XIRP2: variants seen among roughly 807,000 people sequenced by gnomAD.
The protein encoded by XIRP2 is xin actin-binding repeat-containing protein 2.
In XIRP2, 236 loss-of-function variants were observed where a neutral mutation model predicts 277.0. That is an observed-to-expected ratio of 0.85 (90% CI 0.77 to 0.95). XIRP2 has a LOEUF of 0.95. Among genes scored for constraint, XIRP2 ranks in the 40% least tolerant of loss-of-function variants. The probability of loss-of-function intolerance (pLI) is 0.00; values close to 1 mark genes in which losing one functional copy is unlikely to be tolerated. For synonymous variants in XIRP2, 1,490 were observed against 1,416.5 expected, an observed-to-expected ratio of 1.05 and a Z score of -1.17; for missense variants, 4,640 against 4,157.5, an observed-to-expected ratio of 1.12 and a Z score of -3.19.
At chr2:166,921,080 A>G (rs1388359883) in intron 2 of XIRP2, among the ~76,000 whole-genome samples, 1 of 151,920 alleles carries the variant, frequency 6.6e-6, no homozygotes, top group East Asian at 1.9e-4. Context: ...CCTTTCAAAT[A>G]TCTCTGAATG....
At chr2:167,067,013 G>A (rs941856018) in intron 2 of XIRP2, among the ~76,000 whole-genome samples, 1 of 151,724 alleles carries the variant, frequency 6.6e-6, no homozygotes, top group African/African-American at 2.4e-5. Flanking sequence ...TATACTTTGG[G>A]GTAGTTCTAT....
chr2:167,245,386 C>A lies in XIRP2; in HGVS notation c.3994C>A (p.His1332Asn). 1 of 1,613,606 alleles carries A rather than the reference C, an allele frequency of 6.2e-7. No individual in the cohort carries two copies. Among genetic ancestry groups the A allele is most frequent in the African/African-American group, 1.3e-5 (1 of 74,968 alleles). ...YAIQDREGSYHEVTTVKKEEV... is the reference protein window; with the variant it reads ...YAIQDREGSYNEVTTVKKEEV... ...AATTCAAGACCGAGAAGGGTCCTATCATGAAGTGACCACAGTTAAAAAAGA... is the reference window on the plus strand; with the variant it reads ...AATTCAAGACCGAGAAGGGTCCTATAATGAAGTGACCACAGTTAAAAAAGA... Residue 1332 changes from histidine to asparagine, a missense_variant, in exon 9 of 11, where the codon CAT (histidine) becomes AAT (asparagine). Coordinates refer to ENST00000409195, the MANE Select transcript of XIRP2 (RefSeq NM_152381.6).
chr2:166,940,992 A>C (rs1253209949), intron 2 of XIRP2, among the ~76,000 whole-genome samples: 1 of 152,160 alleles, frequency 6.6e-6, no homozygotes, highest in African/African-American at 2.4e-5. Context: ...GAGACATTTA[A>C]GTCTGCAGAG....
chr2:167,050,965 C>G (rs1688898872), intron 2 of XIRP2, among the ~76,000 whole-genome samples: 1 of 151,988 alleles, frequency 6.6e-6, no homozygotes, highest in Non-Finnish European at 1.5e-5. Flanking sequence ...AATATATACA[C>G]AAAGCTTTTA....
chr2:166,929,453 G>A (rs1482088702), intron 2 of XIRP2, among the ~76,000 whole-genome samples: 1 of 152,078 alleles, frequency 6.6e-6, no homozygotes, highest in East Asian at 1.9e-4. Flanking sequence ...CTAGTAGAAA[G>A]CCTTAATTAG....
intron 2 of XIRP2, among the ~76,000 whole-genome samples, chr2:166,937,446 G>C (rs914543264): frequency 3.9e-5 from 6 of 152,118 alleles, no homozygotes; most frequent in African/African-American, 1.4e-4. Context: ...GGATGAAGCC[G>C]ACTTGGTCAT....
At chr2:167,132,280 C>G (rs1691399706) in intron 2 of XIRP2, among the ~76,000 whole-genome samples, 1 of 152,078 alleles carries the variant, frequency 6.6e-6, no homozygotes, top group Admixed American at 6.6e-5. Flanking sequence ...TTGCAATGTG[C>G]GAACACACTT....
At chr2:167,162,268 G>A (rs1047358707) in intron 3 of XIRP2, among the ~76,000 whole-genome samples, 1 of 152,082 alleles carries the variant, frequency 6.6e-6, no homozygotes, top group African/African-American at 2.4e-5. Flanking sequence ...ACACTTTCAG[G>A]TATCTACAGC....
chr2:167,116,206 T>C (rs866934059), intron 2 of XIRP2, among the ~76,000 whole-genome samples: 46 of 152,196 alleles, frequency 3.0e-4, no homozygotes, highest in Admixed American at 2.6e-4. Context: ...TCAATCAACT[T>C]ATTCTATTAA....
intron 2 of XIRP2, among the ~76,000 whole-genome samples, chr2:166,926,397 G>A (rs1303846260): frequency 6.6e-6 from 1 of 151,984 alleles, no homozygotes; most frequent in Non-Finnish European, 1.5e-5. Flanking sequence ...ATTTAAAATA[G>A]TGACCATTAC....
At position 167,248,183 on chromosome 2, in the gene XIRP2, A is replaced by C. The variant is rs956406079; in HGVS notation, c.6791A>C (p.Lys2264Thr). 6.2e-7 allele frequency: 1 copy of C among 1,613,790 alleles called. No individual in the cohort carries two copies. Among genetic ancestry groups the C allele is most frequent in the African/African-American group, 1.3e-5 (1 of 75,000 alleles). The change falls in exon 9 of 11, where the codon AAA becomes ACA. Residue 2264 changes from lysine (K) to threonine (T), a missense_variant. Transcript: ENST00000409195. ...LMKTNTSTGL[K>T]MAMERSLNPI... is the part of the protein sequence containing the mutation. ...AAAACAAATACTTCCACAGGCTTAA[A>C]AATGGCAATGGAAAGGTCCTTGAAT...
At chr2:167,218,709 A>G (rs1694331186) in intron 5 of XIRP2, among the ~76,000 whole-genome samples, 1 of 152,160 alleles carries the variant, frequency 6.6e-6, no homozygotes, top group South Asian at 2.1e-4. Flanking sequence ...TCAGCTGTTT[A>G]TTGTGGTGGG....
At chr2:167,125,584 T>C (rs1197270034) in intron 2 of XIRP2, among the ~76,000 whole-genome samples, 1 of 152,166 alleles carries the variant, frequency 6.6e-6, no homozygotes, top group Non-Finnish European at 1.5e-5. Flanking sequence ...AAAGGATGTA[T>C]TTAGAGCAGA....
At chr2:167,021,420 C>T (rs1687977870) in intron 2 of XIRP2, among the ~76,000 whole-genome samples, 1 of 152,052 alleles carries the variant, frequency 6.6e-6, no homozygotes, top group Non-Finnish European at 1.5e-5. Context: ...TTAATTATAG[C>T]ACTACACGTG....
intron 9 of XIRP2, among the ~76,000 whole-genome samples, chr2:167,253,728 A>G (rs1176668076): frequency 6.6e-6 from 1 of 151,798 alleles, no homozygotes; most frequent in East Asian, 1.9e-4. Context: ...GCACATATAT[A>G]TGTTTGTAAT....
chr2:166,893,198 G>A (rs1051911523), intron 1 of XIRP2, among the ~76,000 whole-genome samples: 1 of 152,000 alleles, frequency 6.6e-6, no homozygotes, highest in East Asian at 1.9e-4. Context: ...TAACTGGTGG[G>A]AAATTTAAAA....
chr2:166,997,190 T>C (rs920352852), intron 2 of XIRP2, among the ~76,000 whole-genome samples: 1 of 152,174 alleles, frequency 6.6e-6, no homozygotes, highest in African/African-American at 2.4e-5. Flanking sequence ...TTTCACAGGA[T>C]TTTTTATTAA....
rs536235110 is a variant in XIRP2 at position 167,062,389 on chromosome 2, T to C, written c.409-73520T>C. 3.3e-5 allele frequency among the ~76,000 whole-genome samples: 5 copies of C among 152,298 alleles called. No homozygotes were observed. In the South Asian group the frequency reaches 1.0e-3, roughly 32 times the overall value. On this transcript the variant is annotated intron_variant, in intron 2 of 10. Transcript: ENST00000409195. The stretch of plus-strand genomic sequence containing the variant: ...TGATTTCAGTCATGATGTATTACAC[T>C]TTTTATACTTTCCTCAGTTGATGTG...
chr2:167,094,229 G>A (rs541627910), intron 2 of XIRP2, among the ~76,000 whole-genome samples: 10 of 152,156 alleles, frequency 6.6e-5, no homozygotes, highest in Admixed American at 5.2e-4. Flanking sequence ...CCTTTGTCAG[G>A]TGAATAGATT....
Sources: allele counts gnomAD v4.1 joint callset (sites outside exome capture counted in the v4.1 genomes callset), GRCh38; gene constraint gnomAD v4.1.1; transcripts MANE v1.5; gene names NCBI Gene and HGNC (gene_info 2026-07-23, HGNC 2026-07-21).